Variants in NMNAT2 observed in about 807,000 individuals in gnomAD.
NMNAT2 encodes nicotinamide/nicotinic acid mononucleotide adenylyltransferase 2.
Under a neutral mutation model 41.6 loss-of-function variants are expected in NMNAT2, and 11 were observed. The ratio of observed to expected loss-of-function variants is 0.26; its 90% CI spans 0.17 to 0.44. The LOEUF (loss-of-function observed/expected upper bound fraction) is 0.44, where lower values mean the gene tolerates loss of function less well. Among genes scored for constraint, NMNAT2 ranks in the 20% least tolerant of loss-of-function variants. The pLI, the probability that NMNAT2 is intolerant of heterozygous loss-of-function variation, is 1.00. For missense variants in NMNAT2, 288 were observed against 407.7 expected, an observed-to-expected ratio of 0.71 and a Z score of 2.53; for synonymous variants, 148 against 151.2, an observed-to-expected ratio of 0.98 and a Z score of 0.16.
chr1:183,361,392 T>C (rs568729847), intron 1 of NMNAT2, among the ~76,000 whole-genome samples: 1 of 152,302 alleles, frequency 6.6e-6, no homozygotes, highest in African/African-American at 2.4e-5. Context: ...CCTCCACCAC[T>C]CAATAGCTGT....
intron 1 of NMNAT2, among the ~76,000 whole-genome samples, chr1:183,386,094 G>A (rs1369563255): frequency 6.6e-6 from 1 of 152,078 alleles, no homozygotes; most frequent in Non-Finnish European, 1.5e-5. Context: ...AATTTGTTGT[G>A]TTTGTTTTTG....
chr1:183,333,855 T>G (rs913617059), intron 1 of NMNAT2, among the ~76,000 whole-genome samples: 3 of 152,342 alleles, frequency 2.0e-5, no homozygotes, highest in African/African-American at 7.2e-5. Context: ...GACTTATAAA[T>G]GCTGCCATTA....
chr1:183,260,774 G>A (rs1660635948), intron 10 of NMNAT2, among the ~76,000 whole-genome samples: 1 of 146,872 alleles, frequency 6.8e-6, no homozygotes, highest in Non-Finnish European at 1.5e-5. Context: ...AGCTGAGATT[G>A]CGCCATTGAA....
rs867267902 is a variant in NMNAT2, at chr1:183,341,736, A to C, written c.86-47943T>G. Among the ~76,000 whole-genome samples the C allele has an allele frequency of 1.7e-4, 24 of 138,134 alleles. 3 individuals carry two copies. Among genetic ancestry groups the C allele is most frequent in the African/African-American group, 5.6e-4 (20 of 35,714 alleles). The allele number at this position is 138,134 out of a possible 152,430, so 90.6% of individuals were successfully genotyped here. A position where few individuals can be genotyped will look rare whatever the true frequency, so the allele number is the denominator to read the frequency against. On this transcript the variant is annotated intron_variant, in intron 1 of 10. Coordinates refer to ENST00000287713, the MANE Select transcript of NMNAT2 (RefSeq NM_015039.4). The stretch of plus-strand genomic sequence containing the variant: ...AAACAAACAAACACCAAAAAAAAAA[A>C]AAAAAAAAAAACCTGTTTCCTTCAC...
At chr1:183,303,668 A>G (rs1024138626) in intron 1 of NMNAT2, among the ~76,000 whole-genome samples, 18 of 152,338 alleles carry the variant, frequency 1.2e-4, no homozygotes, top group African/African-American at 3.8e-4. Context: ...GAAACAGACA[A>G]TCCTACCAGG....
intron 1 of NMNAT2, among the ~76,000 whole-genome samples, chr1:183,363,120 T>C (rs896965199): frequency 3.3e-5 from 5 of 152,228 alleles, no homozygotes; most frequent in African/African-American, 7.2e-5. Flanking sequence ...TTCAAACCCC[T>C]AGCTCAGTTT....
chr1:183,310,211 T>C (rs1662081294), intron 1 of NMNAT2, among the ~76,000 whole-genome samples: 1 of 152,218 alleles, frequency 6.6e-6, no homozygotes, highest in African/African-American at 2.4e-5. Flanking sequence ...ACTGAATTTC[T>C]AATTGTTCAA....
At chr1:183,326,443 A>G (rs1662465873) in intron 1 of NMNAT2, among the ~76,000 whole-genome samples, 1 of 151,454 alleles carries the variant, frequency 6.6e-6, no homozygotes, top group South Asian at 2.1e-4. Flanking sequence ...GCAAGGGAAA[A>G]TATGTTGTGA....
At chr1:183,326,116 C>T (rs917472756) in intron 1 of NMNAT2, among the ~76,000 whole-genome samples, 4 of 152,064 alleles carry the variant, frequency 2.6e-5, no homozygotes, top group African/African-American at 9.7e-5. Flanking sequence ...TGGCTCATGC[C>T]TGTACTTCCA....
At chr1:183,336,446 C>T (rs920316568) in intron 1 of NMNAT2, among the ~76,000 whole-genome samples, 2 of 152,170 alleles carry the variant, frequency 1.3e-5, no homozygotes, top group African/African-American at 4.8e-5. Flanking sequence ...TGTAGCTTCA[C>T]AGGAAGTTGC....
At chr1:183,254,148 T>A (rs1479772803) in intron 10 of NMNAT2, among the ~76,000 whole-genome samples, 1 of 152,144 alleles carries the variant, frequency 6.6e-6, no homozygotes, top group Non-Finnish European at 1.5e-5. Context: ...TTTTAATCTC[T>A]TTAGGAACCT....
At position 183,293,744 on chromosome 1, in the gene NMNAT2, G is replaced by A. The variant is rs1166377789; in HGVS notation, c.135C>T (p.Gly45=). 7 of 1,613,912 alleles carry A rather than the reference G, an allele frequency of 4.3e-6. No homozygotes were observed. Among genetic ancestry groups the A allele is most frequent in the South Asian group, 1.1e-5 (1 of 91,070 alleles). Residue 45 remains glycine, a synonymous_variant, in exon 2 of 11, where the codon GGC becomes GGT. Transcript: ENST00000287713. ...LHKTGRFIVI[G]GIVSPVHDSY... ...AGTCGTGGACAGGGGAGACAATCCC[G>A]CCAATCACAATAAACCTTCCAGTTT...
intron 1 of NMNAT2, among the ~76,000 whole-genome samples, chr1:183,412,073 G>C (rs984870480): frequency 2.0e-5 from 3 of 152,232 alleles, no homozygotes; most frequent in Non-Finnish European, 4.4e-5. Flanking sequence ...TGGAGGTGGG[G>C]GGCAGAGTGG....
At chr1:183,360,291 T>C (rs1487794719) in intron 1 of NMNAT2, among the ~76,000 whole-genome samples, 2 of 151,938 alleles carry the variant, frequency 1.3e-5, no homozygotes, top group African/African-American at 2.4e-5. Flanking sequence ...CCTTCTAAAG[T>C]TGACATGGAA....
intron 1 of NMNAT2, among the ~76,000 whole-genome samples, chr1:183,312,239 T>G (rs1662139161): frequency 6.6e-6 from 1 of 152,034 alleles, no homozygotes; most frequent in South Asian, 2.1e-4. Flanking sequence ...GGTTTGGAAT[T>G]TCTTTTTATT....
intron 1 of NMNAT2, among the ~76,000 whole-genome samples, chr1:183,376,710 A>G (rs1663686406): frequency 6.6e-6 from 1 of 152,172 alleles, no homozygotes; most frequent in African/African-American, 2.4e-5. Context: ...ATAGAACTTT[A>G]GGATCTTGAA....
intron 1 of NMNAT2, among the ~76,000 whole-genome samples, chr1:183,369,709 C>T (rs1649778949): frequency 6.6e-6 from 1 of 152,114 alleles, no homozygotes; most frequent in Non-Finnish European, 1.5e-5. Flanking sequence ...CCATTTTCAG[C>T]ACTTTTTCAT....
In NMNAT2 at chr1:183,248,915, T is replaced by A. The variant is rs977317070; in HGVS notation, c.*3726A>T. The A allele has an allele frequency of 1.1e-4, 17 of 152,830 alleles. No individual in the cohort carries two copies. Among genetic ancestry groups the A allele is most frequent in the Non-Finnish European group, 2.2e-4 (15 of 68,660 alleles). The allele number at this position is 152,830 out of a possible 1,614,324, so 9.5% of individuals were successfully genotyped here. A position where few individuals can be genotyped will look rare whatever the true frequency, so the allele number is the denominator to read the frequency against. ...GAGTGTGTGTGTGTGTGTGTGTGTG[T>A]GTGTGTGTGTGTGTGTGTCAGTTTG... On this transcript the variant is annotated 3_prime_UTR_variant, in exon 11 of 11. Transcript: ENST00000287713.
rs1003298982 is a variant in NMNAT2, at chr1:183,283,684, G to C, written c.574+311C>G. 7 of 409,786 alleles carry C rather than the reference G, an allele frequency of 1.7e-5. No individual in the cohort carries two copies. In the Admixed American group the frequency reaches 2.5e-4, roughly 15 times the overall value. The allele number at this position is 409,786 out of a possible 1,614,324, so 25.4% of individuals were successfully genotyped here. A position where few individuals can be genotyped will look rare whatever the true frequency, so the allele number is the denominator to read the frequency against. On this transcript the variant is annotated intron_variant, in intron 7 of 10. Coordinates refer to ENST00000287713, the MANE Select transcript of NMNAT2 (RefSeq NM_015039.4). Reference sequence around the variant, plus strand: ...TTGTGTGCAGTGTCTGTGCCCAAAAGAAGGGTCTTTCCAGCTGGTGCCAAA... The same window carrying C: ...TTGTGTGCAGTGTCTGTGCCCAAAACAAGGGTCTTTCCAGCTGGTGCCAAA...
Sources: allele counts gnomAD v4.1 joint callset (sites outside exome capture counted in the v4.1 genomes callset), GRCh38; gene constraint gnomAD v4.1.1; transcripts MANE v1.5; gene names NCBI Gene and HGNC (gene_info 2026-07-23, HGNC 2026-07-21).